Variants in EPC1 observed in about 807,000 individuals in gnomAD.
EPC1 encodes enhancer of polycomb 1.
EPC1 carries 12 observed loss-of-function variants against 98.4 expected under a neutral mutation model. That is an observed-to-expected ratio of 0.12 (90% confidence interval 0.08 to 0.20). The LOEUF is 0.20. EPC1 is among the 10% of genes least tolerant of loss of function. The pLI is 1.00. For synonymous variants in EPC1, 357 were observed against 363.9 expected (o/e 0.98, Z 0.21); for missense variants, 729 against 990.5 (o/e 0.74, Z 3.54).
intron 1 of EPC1, among the ~76,000 whole-genome samples, chr10:32,342,494 T>C (rs192788865): frequency 2.0e-5 from 3 of 152,330 alleles, no homozygotes; most frequent in Non-Finnish European, 4.4e-5. Context: ...TTGGGCTTAG[T>C]AACAATGTAT....
intron 10 of EPC1, chr10:32,282,547 T>C (rs2132683711): frequency 6.6e-6 from 1 of 152,238 alleles, no homozygotes; most frequent in South Asian, 2.1e-4. Context: ...TTGTATCGCA[T>C]ATATGGAGGA....
chr10:32,285,471 T>C (rs922782173), intron 9 of EPC1: 3 of 163,218 alleles, frequency 1.8e-5, no homozygotes, highest in Non-Finnish European at 4.0e-5. Flanking sequence ...TCTTATGTTA[T>C]TGATTGATTG....
chr10:32,376,668 A>G (rs1020088611), intron 1 of EPC1, among the ~76,000 whole-genome samples: 2 of 152,106 alleles, frequency 1.3e-5, no homozygotes, highest in Non-Finnish European at 2.9e-5. Flanking sequence ...CAGAAATACT[A>G]TTTTTAGCCA....
At chr10:32,365,152 C>T (rs1285930706) in intron 1 of EPC1, among the ~76,000 whole-genome samples, 1 of 152,072 alleles carries the variant, frequency 6.6e-6, no homozygotes, top group Non-Finnish European at 1.5e-5. Context: ...TGACACTTGA[C>T]GCTTAAACAA....
chr10:32,354,550 C>T (rs912366470), intron 1 of EPC1, among the ~76,000 whole-genome samples: 1 of 152,120 alleles, frequency 6.6e-6, no homozygotes, highest in Admixed American at 6.5e-5. Context: ...TCACACAATA[C>T]ATTTTAGATT....
At chr10:32,305,952 G>A in intron 1 of EPC1, 21 bp from the exon 2 acceptor site, 1 of 1,581,598 alleles carries the variant, frequency 6.3e-7, no homozygotes, top group South Asian at 1.2e-5. Flanking sequence ...GAAAAAACAG[G>A]TAAGTTCATG....
chr10:32,304,931 A>G (rs1033056855), intron 2 of EPC1, among the ~76,000 whole-genome samples: 4 of 151,544 alleles, frequency 2.6e-5, no homozygotes, highest in Non-Finnish European at 5.9e-5. Flanking sequence ...AAAAAAAAAA[A>G]AAAAAGAAAA....
intron 2 of EPC1, among the ~76,000 whole-genome samples, chr10:32,296,624 CAG>C (rs1319637281): frequency 6.6e-6 from 1 of 152,078 alleles, no homozygotes; most frequent in Non-Finnish European, 1.5e-5. Context: ...AAATCTTAAA[CAG>C]GGGCCAGGCG....
chr10:32,346,647 G>A, intron 1 of EPC1, 116 bp downstream of exon 1: 3 of 1,046,778 alleles, frequency 2.9e-6, no homozygotes, highest in Non-Finnish European at 4.2e-6. Context: ...GCGACTGAGA[G>A]TCGGCGGCGA....
At chr10:32,287,977 G>A (rs191719329) in intron 6 of EPC1, among the ~76,000 whole-genome samples, 1 of 152,342 alleles carries the variant, frequency 6.6e-6, no homozygotes, top group Non-Finnish European at 1.5e-5. Context: ...CAAAGGTTGG[G>A]AGAAGTATGA....
intron 1 of EPC1, among the ~76,000 whole-genome samples, chr10:32,312,194 G>A (rs1299514199): frequency 2.0e-5 from 3 of 152,198 alleles, no homozygotes; most frequent in Non-Finnish European, 4.4e-5. Flanking sequence ...ATCATGCAGA[G>A]TCTTAGGGGT....
chr10:32,357,229 A>G (rs986835835), intron 1 of EPC1, among the ~76,000 whole-genome samples: 2 of 152,228 alleles, frequency 1.3e-5, no homozygotes, highest in Non-Finnish European at 2.9e-5. Flanking sequence ...AAAGACCTAC[A>G]TGACTTCTCT....
chr10:32,293,716 T>G lies in EPC1; in HGVS notation c.335A>C (p.Gln112Pro). 1 of 1,612,300 alleles carries G rather than the reference T, an allele frequency of 6.2e-7. No individual in the cohort carries two copies. The highest frequency in any genetic ancestry group is 8.5e-7 in the Non-Finnish European group (1 of 1,179,108). ...HIQPFSLDAE[Q>P]PDYDLDSEDE... The stretch of plus-strand genomic sequence containing the variant: ...TTCAGAATCCAAATCATAATCAGGC[T>G]GTTCAGCATCCAAACTAAAAGCTGA... The change falls in exon 3 of 14, where the codon CAG (glutamine) becomes CCG (proline). Residue 112 changes from glutamine to proline, a missense_variant. Physicochemically the swap from Gln to Pro is moderately conservative, Grantham distance 76 (BLOSUM62 -1). Transcript: ENST00000319778.
chr10:32,270,966 C>A (rs1592527833), intron 13 of EPC1, among the ~76,000 whole-genome samples: 2 of 150,308 alleles, frequency 1.3e-5, no homozygotes, highest in African/African-American at 2.4e-5. Flanking sequence ...TCCTTCCATC[C>A]AAAGACGGAA....
At chr10:32,376,952 G>A (rs2247418) in intron 1 of EPC1, among the ~76,000 whole-genome samples, 148,244 of 152,240 alleles carry the variant, frequency 0.97, 72,277 homozygotes, top group East Asian at 1. Context: ...TCCATAAACA[G>A]CTAAAATGTT....
chr10:32,308,161 C>T (rs1376414465), intron 1 of EPC1, among the ~76,000 whole-genome samples: 1 of 152,064 alleles, frequency 6.6e-6, no homozygotes, highest in Non-Finnish European at 1.5e-5. Context: ...GCTTAAACTC[C>T]CTTGAGCCCA....
At chr10:32,288,301 A>G (rs1258226941) in intron 6 of EPC1, among the ~76,000 whole-genome samples, 1 of 142,574 alleles carries the variant, frequency 7.0e-6, no homozygotes, top group Non-Finnish European at 1.5e-5. Context: ...ATTATTATCT[A>G]TTACTTTTTT....
At chr10:32,378,452 T>G in intron 1 of EPC1, 2 of 1,526,936 alleles carry the variant, frequency 1.3e-6, no homozygotes, top group Non-Finnish European at 1.8e-6. Flanking sequence ...CGGTGGCTCT[T>G]TCAAAGACTG....
upstream of EPC1, among the ~76,000 whole-genome samples, chr10:32,347,904 A>G (rs1592629570): frequency 6.6e-6 from 1 of 152,216 alleles, no homozygotes; most frequent in Non-Finnish European, 1.5e-5. Context: ...TATTCTACAA[A>G]GTAGATTTTT....
Sources: gnomAD v4.1 joint callset for allele counts (sites outside exome capture counted in the v4.1 genomes callset) on GRCh38, gnomAD v4.1.1 for gene constraint, MANE v1.5 for transcripts, NCBI Gene and HGNC (gene_info 2026-07-23, HGNC 2026-07-21) for gene names.